TNRC6A: variants seen among roughly 807,000 people sequenced by gnomAD.
TNRC6A encodes the protein trinucleotide repeat containing adaptor 6A.
Under a neutral mutation model 221.2 loss-of-function variants are expected in TNRC6A, and 44 were observed. The observed-to-expected ratio is 0.20, with a 90% CI of 0.16 to 0.26. The LOEUF (loss-of-function observed/expected upper bound fraction) is 0.26, where lower values mean the gene tolerates loss of function less well. Ranked by LOEUF, TNRC6A falls within the 10% of genes least tolerant of loss-of-function variation. TNRC6A has a pLI of 1.00. For synonymous variants in TNRC6A, 847 were observed against 838.5 expected (o/e 1.01, Z -0.18); for missense variants, 2,199 against 2,404.4 (o/e 0.91, Z 1.79).
At chr16:24,746,731 G>A (rs147508313) in intron 2 of TNRC6A, among the ~76,000 whole-genome samples, 64 of 152,282 alleles carry the variant, frequency 4.2e-4, no homozygotes, top group African/African-American at 1.5e-3. Context: ...ACATACTTCT[G>A]ATAGCAAGTA....
chr16:24,659,950 T>C (rs983972902), intron 2 of TNRC6A, among the ~76,000 whole-genome samples: 7 of 152,230 alleles, frequency 4.6e-5, no homozygotes, highest in African/African-American at 1.7e-4. Context: ...ATCCTCTAAA[T>C]TTTTATTTTT....
rs761274519 is a variant in TNRC6A, at chr16:24,815,120, AT to A, written c.4673-24del. 1.1e-4 allele frequency: 171 copies of A among 1,600,426 alleles called. 3 individuals are homozygous for A. In the South Asian group the frequency reaches 1.9e-3, roughly 18 times the overall value. ...ATAAATCTGTGTGTATTTTGCTCAC[AT>A]TTCTCTATTATTCTTCCCTTGTTAG... On this transcript the variant is annotated intron_variant, in intron 18 of 24. Transcript: ENST00000395799.
intron 2 of TNRC6A, among the ~76,000 whole-genome samples, chr16:24,749,088 G>C (rs944257298): frequency 6.6e-6 from 1 of 152,034 alleles, no homozygotes; most frequent in Non-Finnish European, 1.5e-5. Flanking sequence ...GGCAGAGTTA[G>C]GTATTTTCAT....
chr16:24,650,685 A>G (rs1463234282), intron 2 of TNRC6A, among the ~76,000 whole-genome samples: 2 of 151,992 alleles, frequency 1.3e-5, no homozygotes, highest in Non-Finnish European at 2.9e-5. Flanking sequence ...AAAGAAAGAA[A>G]GAAAAAAAGG....
chr16:24,795,063 C>G (rs2058190462), intron 8 of TNRC6A, among the ~76,000 whole-genome samples: 1 of 152,128 alleles, frequency 6.6e-6, no homozygotes, highest in African/African-American at 2.4e-5. Flanking sequence ...AGTTCATCTC[C>G]CATTTCATTT....
chr16:24,732,307 A>T (rs1376915986), intron 2 of TNRC6A, among the ~76,000 whole-genome samples: 1 of 152,228 alleles, frequency 6.6e-6, no homozygotes, highest in Non-Finnish European at 1.5e-5. Flanking sequence ...CTCTCCAGGA[A>T]ATCAAGGCAT....
chr16:24,790,054 A>C lies in TNRC6A; in HGVS notation c.1412A>C (p.Gln471Pro). 6.2e-7 allele frequency: 1 copy of C among 1,614,270 alleles called. No homozygotes were observed. The highest frequency in any genetic ancestry group is 8.5e-7 in the Non-Finnish European group (1 of 1,180,040). The change falls in exon 6 of 25, where the codon CAG (glutamine) becomes CCG (proline). Residue 471 changes from glutamine to proline, a missense_variant. By Grantham distance (76) the Gln-to-Pro change is moderately conservative. This residue lies in a region of TNRC6A where 1,405 missense variants were observed against 1,400.2 expected (regional missense o/e 1.00). Transcript: ENST00000395799. ...TSSLPNSGSV[Q>P]NNELPSSNTG... ...AGTTTACCAAACTCCGGTTCAGTGC[A>C]GAATAATGAGCTGCCTAGTAGTAAC...
chr16:24,671,112 G>T, intron 2 of TNRC6A: 1 of 246,966 alleles, frequency 4.0e-6, no homozygotes, highest in Non-Finnish European at 9.0e-6. Flanking sequence ...CCCACCACCA[G>T]CACCAGCAAT....
rs201630200 is a variant in TNRC6A, at chr16:24,777,299, C to T, written c.530C>T (p.Ala177Val). 95 of 1,613,884 alleles carry T rather than the reference C, an allele frequency of 5.9e-5. No homozygotes were observed. In the Admixed American group the frequency reaches 6.7e-4, roughly 11 times the overall value. Reference sequence around the variant, plus strand: ...TTAAACAGCCAGTCAGAAAGCAGTGCTTTAACAAATCAACAGCCACAAAAT... The same window carrying T: ...TTAAACAGCCAGTCAGAAAGCAGTGTTTTAACAAATCAACAGCCACAAAAT... ...KVLNSQSESS[A>V]LTNQQPQNNG... The change falls in exon 5 of 25, where the codon GCT becomes GTT. Residue 177 changes from alanine (A) to valine (V), a missense_variant. This residue lies in a region of TNRC6A where 1,405 missense variants were observed against 1,400.2 expected (regional missense o/e 1.00). Coordinates refer to ENST00000395799, the MANE Select transcript of TNRC6A (RefSeq NM_014494.4).
intron 2 of TNRC6A, among the ~76,000 whole-genome samples, chr16:24,700,805 G>T (rs2061017871): frequency 6.6e-6 from 1 of 152,182 alleles, no homozygotes; most frequent in African/African-American, 2.4e-5. Context: ...TTCTCCACTA[G>T]CCAGCATGTT....
At chr16:24,782,302 AT>A (rs2057867315) in intron 5 of TNRC6A, among the ~76,000 whole-genome samples, 1 of 152,182 alleles carries the variant, frequency 6.6e-6, no homozygotes, top group Non-Finnish European at 1.5e-5. Context: ...GCCAGTCATG[AT>A]TCATGCATTG....
chr16:24,770,406 C>A (rs947272819), intron 4 of TNRC6A, among the ~76,000 whole-genome samples: 2 of 152,110 alleles, frequency 1.3e-5, no homozygotes, highest in African/African-American at 4.8e-5. Flanking sequence ...AAGACTTGAG[C>A]CAGGCCTGCA....
intron 1 of TNRC6A, among the ~76,000 whole-genome samples, chr16:24,624,348 G>A (rs926472044): frequency 6.6e-6 from 1 of 152,160 alleles, no homozygotes; most frequent in Non-Finnish European, 1.5e-5. Context: ...ATACAGCAGA[G>A]GGCATGAATA....
At position 24,789,450 on chromosome 16, in the gene TNRC6A, A is replaced by G. The variant is rs777185670; in HGVS notation, c.808A>G (p.Ile270Val). ...SSSESERNIT[I>V]MASGNTGGEK... Reference sequence around the variant, plus strand: ...TTCTGAATCAGAGAGAAACATCACTATCATGGCTTCAGGGAACACAGGTGG... The same window carrying G: ...TTCTGAATCAGAGAGAAACATCACTGTCATGGCTTCAGGGAACACAGGTGG... The change falls in exon 6 of 25, where the codon ATC becomes GTC. Residue 270 changes from isoleucine to valine, a missense_variant. By Grantham distance (29) the Ile-to-Val change is conservative. Transcript: ENST00000395799. The G allele has an allele frequency of 8.7e-6, 14 of 1,614,112 alleles. No individual in the cohort carries two copies. In the South Asian group the frequency reaches 9.9e-5, roughly 11 times the overall value.
intron 18 of TNRC6A, among the ~76,000 whole-genome samples, chr16:24,810,148 C>T (rs1042821287): frequency 1.3e-5 from 2 of 152,188 alleles, no homozygotes; most frequent in Admixed American, 6.5e-5. Flanking sequence ...TATATATGGA[C>T]ACATTTCTTT....
chr16:24,693,430 T>C (rs2055795535), intron 2 of TNRC6A, among the ~76,000 whole-genome samples: 1 of 151,824 alleles, frequency 6.6e-6, no homozygotes. Context: ...CTACTAAAAA[T>C]ACAAAAATTA....
At chr16:24,769,323 C>G (rs1163025756) in intron 4 of TNRC6A, among the ~76,000 whole-genome samples, 1 of 152,040 alleles carries the variant, frequency 6.6e-6, no homozygotes, top group East Asian at 1.9e-4. Flanking sequence ...ATTTGGAACA[C>G]AGACTAGGAA....
Position 24,699,886 on chromosome 16 carries a change from G to A in TNRC6A, n.403-50840G>A, listed in dbSNP as rs73566431. 1.3e-4 allele frequency among the ~76,000 whole-genome samples: 20 copies of A among 152,204 alleles called. No homozygotes were observed. The East Asian group carries it at 2.3e-3, about 18-fold the overall frequency. On this transcript the variant is annotated intron_variant and non_coding_transcript_variant, in intron 2 of 2. Coordinates refer to the TNRC6A transcript ENST00000566108. Reference sequence around the variant, plus strand: ...TTTCCATTTTACAGATATGGACACCGAAGTTCTAAGAAGCTCAGCAATGTG... The same window carrying A: ...TTTCCATTTTACAGATATGGACACCAAAGTTCTAAGAAGCTCAGCAATGTG...
intron 5 of TNRC6A, among the ~76,000 whole-genome samples, chr16:24,782,744 T>A (rs1431118472): frequency 6.6e-6 from 1 of 151,902 alleles, no homozygotes; most frequent in Non-Finnish European, 1.5e-5. Flanking sequence ...TAGCCAGGCG[T>A]GGTGGCGGGC....
Sources: allele counts gnomAD v4.1 joint callset (sites outside exome capture counted in the v4.1 genomes callset), GRCh38; gene constraint gnomAD v4.1.1; regional missense constraint gnomAD v4.1.1; transcripts MANE v1.5; gene names NCBI Gene and HGNC (gene_info 2026-07-23, HGNC 2026-07-21).